Variants in FGGY observed in about 807,000 individuals in gnomAD.
FGGY encodes the protein FGGY carbohydrate kinase domain containing, also known as FGGY carbohydrate kinase domain-containing protein.
FGGY carries 72 observed loss-of-function variants against 71.3 expected under a neutral mutation model. The ratio of observed to expected loss-of-function variants is 1.01; its 90% CI spans 0.84 to 1.23. FGGY has a LOEUF of 1.23. Ranked by LOEUF, FGGY falls within the 50% of genes most tolerant of loss-of-function variation. The pLI is 0.00. For missense variants in FGGY, 668 were observed against 682.3 expected, an observed-to-expected ratio of 0.98 and a Z score of 0.23; for synonymous variants, 251 against 250.3, an observed-to-expected ratio of 1.00 and a Z score of -0.02.
At chr1:59,685,200 C>T (rs778611454) in intron 14 of FGGY, among the ~76,000 whole-genome samples, 4 of 152,020 alleles carry the variant, frequency 2.6e-5, no homozygotes, top group South Asian at 2.1e-4. Context: ...CAAGGATGTC[C>T]GGACCTCTCT....
intron 14 of FGGY, 29 bp downstream of exon 14, chr1:59,674,162 G>A: frequency 6.4e-7 from 1 of 1,569,200 alleles, no homozygotes; most frequent in East Asian, 2.3e-5. Flanking sequence ...GTGGGCTGTG[G>A]CTCCTCCCCT....
chr1:59,533,359 G>T (rs1423310909), intron 7 of FGGY, among the ~76,000 whole-genome samples: 1 of 152,228 alleles, frequency 6.6e-6, no homozygotes, highest in African/African-American at 2.4e-5. Flanking sequence ...TACGCCCACG[G>T]AGTCTCACTG....
chr1:59,711,087 T>G (rs1343017162), intron 14 of FGGY, among the ~76,000 whole-genome samples: 1 of 152,142 alleles, frequency 6.6e-6, no homozygotes, highest in Non-Finnish European at 1.5e-5. Flanking sequence ...GTGGCACATA[T>G]ACACAATGGA....
intron 8 of FGGY, among the ~76,000 whole-genome samples, chr1:59,573,285 G>T (rs1437283242): frequency 6.6e-6 from 1 of 152,104 alleles, no homozygotes; most frequent in Non-Finnish European, 1.5e-5. Context: ...TAATAGAATT[G>T]TATCTATGTA....
chr1:59,453,585 G>A (rs1216883072), intron 5 of FGGY, among the ~76,000 whole-genome samples: 1 of 152,130 alleles, frequency 6.6e-6, no homozygotes, highest in African/African-American at 2.4e-5. Flanking sequence ...AAGACAACCT[G>A]GGGGTATCTG....
intron 6 of FGGY, among the ~76,000 whole-genome samples, chr1:59,458,322 CT>C (rs1160725741): frequency 6.6e-6 from 1 of 151,962 alleles, no homozygotes; most frequent in Admixed American, 6.6e-5. Flanking sequence ...ACTTATTTAC[CT>C]TTGTATTTCC....
chr1:59,368,624 A>C lies in FGGY; in HGVS notation c.466-10125A>C, dbSNP rs139392907. 2.6e-5 allele frequency among the ~76,000 whole-genome samples: 4 copies of C among 152,272 alleles called. No individual in the cohort carries two copies. In the East Asian group the frequency reaches 7.7e-4, roughly 29 times the overall value. ...GCAGGCCCAGTGGTTACAAGTAGAG[A>C]ATTAATTCAGTAAGATTGAGGCCTT... On this transcript the variant is annotated intron_variant, in intron 4 of 15. Transcript: ENST00000303721.
chr1:59,318,448 G>A (rs1163744579), intron 1 of FGGY: 1 of 152,230 alleles, frequency 6.6e-6, no homozygotes, highest in South Asian at 2.1e-4. Flanking sequence ...TGTGAAGGGT[G>A]GGCTCCTGCC....
chr1:59,728,665 G>T (rs1305130017), intron 14 of FGGY, among the ~76,000 whole-genome samples: 3 of 151,710 alleles, frequency 2.0e-5, no homozygotes, highest in Non-Finnish European at 2.9e-5. Context: ...AGAATTCTAG[G>T]TTAGTGAGGT....
At chr1:59,546,522 TG>T (rs60310973) in intron 7 of FGGY, among the ~76,000 whole-genome samples, 9,412 of 138,098 alleles carry the variant, frequency 0.068, 444 homozygotes, top group Non-Finnish European at 0.11. Flanking sequence ...ATGATGATGA[TG>T]ATGATGATGA....
rs1046591920 is a variant in FGGY at position 59,380,294 on chromosome 1, C to A, written c.554+1457C>A. ...TCTTTATAGCAGCATGATTTATAAT[C>A]CTTTGGGTATATACCCAGTAATGGA... On this transcript the variant is annotated intron_variant, in intron 5 of 15. Transcript: ENST00000303721. 4.0e-5 allele frequency among the ~76,000 whole-genome samples: 6 copies of A among 151,506 alleles called. 1 individual carries two copies. The highest frequency in any genetic ancestry group is 1.5e-4 in the African/African-American group (6 of 40,780).
chr1:59,755,023 G>A (rs2098278191), intron 14 of FGGY: 1 of 152,170 alleles, frequency 6.6e-6, no homozygotes, highest in Non-Finnish European at 1.5e-5. Flanking sequence ...CCTGACTCCT[G>A]AAGGGAGAGG....
rs559724079 is a variant in FGGY at position 59,660,693 on chromosome 1, A to C, written c.1296+400A>C. ...GATTCATGATAGGGGTCCTTTAAAT[A>C]GTAAGCTTCCTTAGAACATGAAAGT... On this transcript the variant is annotated intron_variant, in intron 12 of 15. Coordinates refer to ENST00000303721, the MANE Select transcript of FGGY (RefSeq NM_018291.5). Among the ~76,000 whole-genome samples the C allele has an allele frequency of 2.8e-4, 43 of 152,390 alleles. No homozygotes were observed. The South Asian group carries it at 8.7e-3, about 31-fold the overall frequency.
chr1:59,468,341 G>C (rs1213081716), intron 6 of FGGY, among the ~76,000 whole-genome samples: 1 of 152,206 alleles, frequency 6.6e-6, no homozygotes, highest in East Asian at 1.9e-4. Flanking sequence ...TACATAAGAC[G>C]GGTCCCTGCA....
At chr1:59,580,940 T>C (rs2153749488) in intron 8 of FGGY, among the ~76,000 whole-genome samples, 1 of 152,300 alleles carries the variant, frequency 6.6e-6, no homozygotes, top group South Asian at 2.1e-4. Context: ...TGTTTAGCAG[T>C]TGAAATGCAC....
intron 11 of FGGY, among the ~76,000 whole-genome samples, chr1:59,644,624 C>G (rs547529562): frequency 2.2e-4 from 33 of 152,050 alleles, no homozygotes; most frequent in African/African-American, 7.0e-4. Context: ...CACGCCCCCC[C>G]CCACCCAAAG....
At chr1:59,487,292 C>G (rs980187516) in intron 6 of FGGY, among the ~76,000 whole-genome samples, 5 of 152,082 alleles carry the variant, frequency 3.3e-5, no homozygotes, top group African/African-American at 1.2e-4. Flanking sequence ...TTCCTGAAGC[C>G]TATGTACAGT....
chr1:59,455,296 C>T (rs2091576857), intron 5 of FGGY, among the ~76,000 whole-genome samples: 2 of 152,140 alleles, frequency 1.3e-5, no homozygotes, highest in South Asian at 4.1e-4. Flanking sequence ...TGAAAAAGGA[C>T]AATCTGAGCT....
rs1469493501 is a variant in FGGY, at chr1:59,627,489, T to TATATAC, written c.1073+1441_1073+1442insTATACA. ...ATATATATATATATATATATATATA[T>TATATAC]ACACACACACACACACACACAGCTG... On this transcript the variant is annotated intron_variant, in intron 10 of 15. Transcript: ENST00000303721. Among the ~76,000 whole-genome samples the TATATAC allele has an allele frequency of 3.6e-3, 333 of 92,660 alleles. 1 individual carries two copies. Among genetic ancestry groups the TATATAC allele is most frequent in the African/African-American group, 0.011 (214 of 19,550 alleles). 60.8% of individuals were successfully genotyped at this position (92,660 alleles called of 152,430 possible). A position where few individuals can be genotyped will look rare whatever the true frequency, so the allele number is the denominator to read the frequency against.
Sources: gnomAD v4.1 joint callset for allele counts (sites outside exome capture counted in the v4.1 genomes callset) on GRCh38, gnomAD v4.1.1 for gene constraint, MANE v1.5 for transcripts, NCBI Gene and HGNC (gene_info 2026-07-23, HGNC 2026-07-21) for gene names.